Variants in WNT5B observed in about 807,000 individuals in gnomAD.
The protein encoded by WNT5B is protein Wnt-5b.
In WNT5B, 18 loss-of-function variants were observed where a neutral mutation model predicts 36.5. That is an observed-to-expected ratio of 0.49 (90% CI 0.34 to 0.73). The LOEUF (loss-of-function observed/expected upper bound fraction) is 0.73. Among genes scored for constraint, WNT5B ranks in the 30% least tolerant of loss-of-function variants. The pLI is 0.01. For missense variants in WNT5B, 424 were observed against 508.4 expected, an observed-to-expected ratio of 0.83 and a Z score of 1.60; for synonymous variants, 213 against 212.3, an observed-to-expected ratio of 1.00 and a Z score of -0.03.
rs1486147321 is a variant in WNT5B, at chr12:1,618,848, T to G, written c.-58+1705T>G. Among the ~76,000 whole-genome samples the G allele has an allele frequency of 6.6e-6, 1 of 152,182 alleles. No individual in the cohort carries two copies. Among genetic ancestry groups the G allele is most frequent in the East Asian group, 1.9e-4 (1 of 5,206 alleles). ...CTCACAGTGCATGAGTTGGTCACTT[T>G]CACACTGCTCCAGGCACCAGGAGTT... On this transcript the variant is annotated intron_variant, in intron 1 of 4. Coordinates refer to the WNT5B transcript ENST00000310594. This position sits in a 1 kb window ranked among gnomAD's most constrained non-coding sequence, Gnocchi z 4.1.
intron 3 of WNT5B, among the ~76,000 whole-genome samples, chr12:1,637,983 T>G (rs1482496691): frequency 1.3e-5 from 2 of 152,144 alleles, no homozygotes; most frequent in African/African-American, 2.4e-5. Flanking sequence ...GCACGGTGGC[T>G]CACGCCTCTA....
Position 1,645,840 on chromosome 12 carries a change from C to A in WNT5B, c.668C>A (p.Ser223Ter). The A allele has an allele frequency of 6.2e-7, 1 of 1,606,450 alleles. No individual in the cohort carries two copies. The highest frequency in any genetic ancestry group is 1.1e-5 in the South Asian group (1 of 90,548). The change falls in exon 5 of 5, where the codon TCG becomes TAG. Residue 223 changes from serine to a stop codon, truncating the protein, a stop_gained. Coordinates refer to ENST00000397196, the MANE Select transcript of WNT5B (RefSeq NM_032642.3). LOFTEE classifies it high-confidence loss of function. ...ADVACKCHGV[S>*]GSCSLKTCWL... is the part of the protein sequence containing the mutation. ...GTAGCCTGCAAATGCCACGGCGTCT[C>A]GGGGTCCTGCAGCCTCAAGACCTGC...
upstream of WNT5B, among the ~76,000 whole-genome samples, chr12:1,624,235 A>G (rs910879752): frequency 5.3e-5 from 8 of 152,060 alleles, no homozygotes; most frequent in Non-Finnish European, 1.2e-4. Context: ...AAAATGCAAA[A>G]ATTAGCCGGT....
chr12:1,619,064 T>A (rs1231881495), intron 1 of WNT5B, among the ~76,000 whole-genome samples: 1 of 152,076 alleles, frequency 6.6e-6, no homozygotes, highest in East Asian at 1.9e-4. Flanking sequence ...AGCATTTTTC[T>A]TAAGGGCCAG....
chr12:1,636,101 T>G (rs2094560120), intron 3 of WNT5B, among the ~76,000 whole-genome samples: 1 of 152,206 alleles, frequency 6.6e-6, no homozygotes, highest in Non-Finnish European at 1.5e-5. Context: ...ATCTGTTTCC[T>G]GCTAAGAATC....
Position 1,631,398 on chromosome 12 carries a change from G to A in WNT5B, c.44G>A (p.Ser15Asn). 6.2e-7 allele frequency: 1 copy of A among 1,614,182 alleles called. No individual in the cohort carries two copies. Among genetic ancestry groups the A allele is most frequent in the Middle Eastern group, 1.7e-4 (1 of 6,058 alleles). Residue 15 changes from serine to asparagine, a missense_variant, in exon 2 of 5, where the codon AGC becomes AAC. Coordinates refer to ENST00000397196, the MANE Select transcript of WNT5B (RefSeq NM_032642.3). ...CTGTTCACGGCTGCTCTGCTGTCCA[G>A]CTGGGCTCAGCTTCTGACAGACGCC... Reference protein sequence around the residue: ...LLLFTAALLSSWAQLLTDANS... With the variant: ...LLLFTAALLSNWAQLLTDANS...
At chr12:1,617,929 G>A (rs1261581620) in intron 1 of WNT5B, among the ~76,000 whole-genome samples, 8 of 152,000 alleles carry the variant, frequency 5.3e-5, no homozygotes, top group African/African-American at 1.7e-4. Context: ...GCTTGAGGCC[G>A]GGAGTTCAAG....
In WNT5B at chr12:1,630,059, C is replaced by A; in HGVS notation, c.-58+688C>A. On this transcript the variant is annotated intron_variant, in intron 1 of 4. Coordinates refer to ENST00000397196, the MANE Select transcript of WNT5B (RefSeq NM_032642.3). The surrounding 1 kb of genome is among the most constrained non-coding windows in gnomAD (Gnocchi z 5.3). ...GGCTTGGGGAAGGGCTGTGTCCCAG[C>A]TCTCCTGGACCCTGCTCGGGCCACT... is the stretch of plus-strand genomic sequence containing the variant. 1.1e-6 allele frequency: 1 copy of A among 922,484 alleles called. No homozygotes were observed. The highest frequency in any genetic ancestry group is 1.3e-6 in the Non-Finnish European group (1 of 772,372). The allele number at this position is 922,484 out of a possible 1,614,324, so 57.1% of individuals were successfully genotyped here. A position where few individuals can be genotyped will look rare whatever the true frequency, so the allele number is the denominator to read the frequency against.
chr12:1,640,895 C>A (rs374267489), intron 4 of WNT5B, among the ~76,000 whole-genome samples: 1 of 152,174 alleles, frequency 6.6e-6, no homozygotes, highest in Non-Finnish European at 1.5e-5. Flanking sequence ...GCAACATGGG[C>A]GTCCACCCGG....
intron 1 of WNT5B, among the ~76,000 whole-genome samples, chr12:1,621,034 G>A (rs1473185716): frequency 3.3e-4 from 1 of 2,988 alleles, no homozygotes; most frequent in Non-Finnish European, 6.0e-4. Flanking sequence ...CTGCCATGGG[G>A]AAATTCATTT....
At chr12:1,620,032 T>A (rs964880753) in intron 1 of WNT5B, among the ~76,000 whole-genome samples, 1 of 152,240 alleles carries the variant, frequency 6.6e-6, no homozygotes, top group African/African-American at 2.4e-5. Context: ...GGTATTAATA[T>A]GACTTTTTTA....
upstream of WNT5B, among the ~76,000 whole-genome samples, chr12:1,628,771 G>A (rs574455466): frequency 6.6e-6 from 1 of 152,252 alleles, no homozygotes; most frequent in African/African-American, 2.4e-5. Flanking sequence ...TTTCTAAGGG[G>A]TCCTTTCTCC....
In WNT5B at chr12:1,639,869, G is replaced by A. The variant is rs1384340174; in HGVS notation, c.514G>A (p.Ala172Thr). The change falls in exon 4 of 5, where the codon GCC (alanine) becomes ACC (threonine). Residue 172 changes from alanine to threonine, a missense_variant. By Grantham distance (58) the Ala-to-Thr change is moderately conservative. Coordinates refer to ENST00000397196, the MANE Select transcript of WNT5B (RefSeq NM_032642.3). Reference sequence around the variant, plus strand: ...CAACGTGGAGTACGGCTACCGCTTCGCCAAGGAGTTTGTGGATGCCCGGGA... The same window carrying A: ...CAACGTGGAGTACGGCTACCGCTTCACCAAGGAGTTTGTGGATGCCCGGGA... The part of the protein sequence containing the change: ...GDNVEYGYRF[A>T]KEFVDARERE... 6.2e-6 allele frequency: 10 copies of A among 1,613,888 alleles called. No homozygotes were observed. Among genetic ancestry groups the A allele is most frequent in the East Asian group, 2.2e-5 (1 of 44,884 alleles).
At chr12:1,638,211 A>G (rs1294637324) in intron 3 of WNT5B, among the ~76,000 whole-genome samples, 2 of 152,166 alleles carry the variant, frequency 1.3e-5, no homozygotes, top group African/African-American at 4.8e-5. Context: ...GTGCTACTGC[A>G]CTCCAGCCTG....
At chr12:1,628,199 C>A (rs576495796), upstream of WNT5B, among the ~76,000 whole-genome samples, 6 of 151,740 alleles carry the variant, frequency 4.0e-5, no homozygotes, top group South Asian at 6.3e-4. Flanking sequence ...CTCTGTCACC[C>A]GGCTGGAGTG....
rs2094547947 is a variant in WNT5B at position 1,630,279 on chromosome 12, C to T, written c.-58+908C>T. ...GGCGCGGGTCACGCCCAGACGGGGG[C>T]CCCGGAGGACCGCGGGGGAGCCGCA... On this transcript the variant is annotated intron_variant, in intron 1 of 4. Transcript: ENST00000397196. The surrounding 1 kb of genome is among the most constrained non-coding windows in gnomAD (Gnocchi z 5.3). The T allele has an allele frequency of 3.1e-6, 3 of 970,522 alleles. No homozygotes were observed. Among genetic ancestry groups the T allele is most frequent in the Non-Finnish European group, 3.7e-6 (3 of 816,316 alleles). The allele number at this position is 970,522 out of a possible 1,614,324, so 60.1% of individuals were successfully genotyped here. A position where few individuals can be genotyped will look rare whatever the true frequency, so the allele number is the denominator to read the frequency against.
intron 4 of WNT5B, among the ~76,000 whole-genome samples, chr12:1,640,599 T>C (rs7958302): frequency 0.031 from 4,672 of 152,312 alleles, 145 homozygotes; most frequent in African/African-American, 0.084. Context: ...AGCCTCAGTT[T>C]CAGCAGAAGC....
upstream of WNT5B, among the ~76,000 whole-genome samples, chr12:1,627,679 A>G: frequency 6.6e-6 from 1 of 152,170 alleles, no homozygotes; most frequent in Admixed American, 6.5e-5. The surrounding 1 kb of genome is among the most constrained non-coding windows in gnomAD (Gnocchi z 5.0). Context: ...GAAGTGGGAC[A>G]GTGCCATCTC....
At position 1,633,094 on chromosome 12, in the gene WNT5B, C is replaced by A. The variant is rs900040647; in HGVS notation, c.328+189C>A. 6.6e-6 allele frequency among the ~76,000 whole-genome samples: 1 copy of A among 152,154 alleles called. No homozygotes were observed. The highest frequency in any genetic ancestry group is 1.5e-5 in the Non-Finnish European group (1 of 68,032). ...GCAGGCTCTGGGAGGCTGCAGAAACCACACGCTTGATGTTCCTCTAGCTCT... is the reference window on the plus strand; with the variant it reads ...GCAGGCTCTGGGAGGCTGCAGAAACAACACGCTTGATGTTCCTCTAGCTCT... On this transcript the variant is annotated intron_variant, in intron 3 of 4. Coordinates refer to ENST00000397196, the MANE Select transcript of WNT5B (RefSeq NM_032642.3). This position sits in a 1 kb window ranked among gnomAD's most constrained non-coding sequence, Gnocchi z 4.8.
Sources: allele counts gnomAD v4.1 joint callset (sites outside exome capture counted in the v4.1 genomes callset), GRCh38; gene constraint gnomAD v4.1.1; non-coding constraint Gnocchi (gnomAD v3.1); transcripts MANE v1.5; gene names NCBI Gene and HGNC (gene_info 2026-07-23, HGNC 2026-07-21).